Variants in COQ10A observed in about 807,000 individuals in gnomAD.
The protein encoded by COQ10A is coenzyme Q10A, also known as coenzyme Q-binding protein COQ10 homolog A, mitochondrial.
A neutral mutation model predicts 26.1 loss-of-function variants in COQ10A; 25 were observed. The observed-to-expected ratio is 0.96, with a 90% CI of 0.70 to 1.34. The LOEUF (loss-of-function observed/expected upper bound fraction) is 1.34. Ranked by LOEUF, COQ10A falls within the 40% of genes most tolerant of loss-of-function variation. The pLI is 0.00. For missense variants in COQ10A, 312 were observed against 335.4 expected (o/e 0.93, Z 0.54); for synonymous variants, 132 against 124.0 (o/e 1.06, Z -0.43).
chr12:56,270,079 T>C, intron 4 of COQ10A, 71 bp from the exon 5 acceptor site: 3 of 1,484,632 alleles, frequency 2.0e-6, no homozygotes, highest in Non-Finnish European at 2.8e-6. Flanking sequence ...TGAGGAACAG[T>C]TTCCTTGCAT....
At position 56,270,522 on chromosome 12, in the gene COQ10A, T is replaced by C; in HGVS notation, c.*205T>C. ...AAAGGATGTGGAAATGAGATGTGCT[T>C]AGGAAAGGGTCAGGCCCATCGTAGG... On this transcript the variant is annotated 3_prime_UTR_variant, in exon 5 of 5. Transcript: ENST00000308197. 1 of 588,388 alleles carries C rather than the reference T, an allele frequency of 1.7e-6. No individual in the cohort carries two copies. The highest frequency in any genetic ancestry group is 2.2e-5 in the South Asian group (1 of 46,448). 36.4% of individuals were successfully genotyped at this position (588,388 alleles called of 1,614,324 possible). A position where few individuals can be genotyped will look rare whatever the true frequency, so the allele number is the denominator to read the frequency against.
Position 56,266,996 on chromosome 12 carries a change from T to G in COQ10A, c.-123T>G, listed in dbSNP as rs377753035. ...GAGCAAGGCGAGAGGTGCTGCCGCC[T>G]CCCGTCGCCCCTGCGCTCAGAGGTC... On this transcript the variant is annotated 5_prime_UTR_variant, in exon 1 of 5. Coordinates refer to ENST00000308197, the MANE Select transcript of COQ10A (RefSeq NM_144576.4). The G allele has an allele frequency of 2.1e-5, 22 of 1,032,392 alleles. No homozygotes were observed. In the East Asian group the frequency reaches 2.3e-4, roughly 11 times the overall value. 64.0% of individuals were successfully genotyped at this position (1,032,392 alleles called of 1,614,324 possible). A position where few individuals can be genotyped will look rare whatever the true frequency, so the allele number is the denominator to read the frequency against.
In COQ10A at chr12:56,270,503, T is replaced by G. The variant is rs1366751154; in HGVS notation, c.*186T>G. On this transcript the variant is annotated 3_prime_UTR_variant, in exon 5 of 5. Coordinates refer to ENST00000308197, the MANE Select transcript of COQ10A (RefSeq NM_144576.4). ...GTTGGGGGAAAGAGAAGGCAAAGGA[T>G]GTGGAAATGAGATGTGCTTAGGAAA... 1 of 637,918 alleles carries G rather than the reference T, an allele frequency of 1.6e-6. No homozygotes were observed. Among genetic ancestry groups the G allele is most frequent in the African/African-American group, 1.8e-5 (1 of 54,402 alleles). 39.5% of individuals were successfully genotyped at this position (637,918 alleles called of 1,614,324 possible). A position where few individuals can be genotyped will look rare whatever the true frequency, so the allele number is the denominator to read the frequency against.
At position 56,269,238 on chromosome 12, in the gene COQ10A, C is replaced by G. The variant is rs764009329; in HGVS notation, c.461C>G (p.Pro154Arg). 1.2e-6 allele frequency: 2 copies of G among 1,614,110 alleles called. No homozygotes were observed. The highest frequency in any genetic ancestry group is 3.3e-5 in the Admixed American group (2 of 60,008). ...RYTSAVSMVK[P>R]HMVKAVCTDG... The stretch of plus-strand genomic sequence containing the variant: ...ACCTCTGCAGTTTCCATGGTCAAAC[C>G]TCACATGGTCAAGGTGAGGCCTGTA... The change falls in exon 3 of 5, where the codon CCT becomes CGT. Residue 154 changes from proline (P) to arginine (R), a missense_variant. By Grantham distance (103) the Pro-to-Arg change is moderately radical (BLOSUM62 -2). Coordinates refer to ENST00000308197, the MANE Select transcript of COQ10A (RefSeq NM_144576.4).
chr12:56,269,971 T>C (rs954482716), intron 4 of COQ10A, 179 bp from the exon 5 acceptor site: 5 of 646,042 alleles, frequency 7.7e-6, no homozygotes, highest in East Asian at 2.6e-5. Flanking sequence ...CCAAGTCAGT[T>C]AGTCTGAGCT....
At chr12:56,268,580 T>C (rs1872419177) in intron 2 of COQ10A, 1 of 160,854 alleles carries the variant, frequency 6.2e-6, no homozygotes, top group South Asian at 1.7e-4. Flanking sequence ...ACCTTTTTAG[T>C]ATATTTTGAG....
Position 56,267,131 on chromosome 12 carries a change from G to A in COQ10A, c.13G>A (p.Gly5Ser). 1 of 1,301,470 alleles carries A rather than the reference G, an allele frequency of 7.7e-7. No individual in the cohort carries two copies. Among genetic ancestry groups the A allele is most frequent in the Non-Finnish European group, 9.7e-7 (1 of 1,030,576 alleles). 80.6% of individuals were successfully genotyped at this position (1,301,470 alleles called of 1,614,324 possible). The change falls in exon 1 of 5, where the codon GGC becomes AGC. Residue 5 changes from glycine to serine, a missense_variant. By Grantham distance (56) the Gly-to-Ser change is moderately conservative. Coordinates refer to ENST00000308197, the MANE Select transcript of COQ10A (RefSeq NM_144576.4). The stretch of plus-strand genomic sequence containing the variant: ...CAGGGTCGCGCGCATGGCCTGGGCG[G>A]GCTCGCGGCGGGTCCCAGCTGGGAC... MAWAGSRRVPAGTRA... is the reference protein window; with the variant it reads MAWASSRRVPAGTRA...
chr12:56,267,641 G>A (rs2293510), intron 1 of COQ10A, 153 bp from the exon 2 acceptor site: 3 of 1,245,194 alleles, frequency 2.4e-6, no homozygotes, highest in Middle Eastern at 3.8e-4. Flanking sequence ...GTGACTCCCT[G>A]GCCAGAGAGA....
intron 1 of COQ10A, 32 bp from the exon 2 acceptor site, chr12:56,267,750 TTACGAAGAACTA>T: frequency 6.2e-7 from 1 of 1,613,048 alleles, no homozygotes; most frequent in Non-Finnish European, 8.5e-7. Context: ...TGATAGAGGA[TTACGAAGAACTA>T]TACGGTTGGC....
At chr12:56,267,718 C>T (rs749089089) in intron 1 of COQ10A, 76 bp from the exon 2 acceptor site, 1 of 1,594,876 alleles carries the variant, frequency 6.3e-7, no homozygotes, top group African/African-American at 1.3e-5. Context: ...GGGATGCACT[C>T]TTCTTCTCCT....
In COQ10A at chr12:56,270,440, C is replaced by G; in HGVS notation, c.*123C>G. 1 of 1,049,960 alleles carries G rather than the reference C, an allele frequency of 9.5e-7. No homozygotes were observed. Among genetic ancestry groups the G allele is most frequent in the African/African-American group, 1.6e-5 (1 of 62,082 alleles). 65.0% of individuals were successfully genotyped at this position (1,049,960 alleles called of 1,614,324 possible). On this transcript the variant is annotated 3_prime_UTR_variant, in exon 5 of 5. Transcript: ENST00000308197. ...GTGTTCATAATACTGTTTCTCCTCT[C>G]AATTTCCCAGAAATTGGGTTCTATG... is the stretch of plus-strand genomic sequence containing the variant.
At chr12:56,267,298 C>T (rs748336510) in intron 1 of COQ10A, 46 bp downstream of exon 1, 91 of 1,595,350 alleles carry the variant, frequency 5.7e-5, no homozygotes, top group Middle Eastern at 1.7e-4. Context: ...TCGCTGCGAA[C>T]CCCGGGGTTC....
rs1307628844 is a variant in COQ10A at position 56,267,063 on chromosome 12, G to C, written c.-56G>C. The C allele has an allele frequency of 4.8e-6, 6 of 1,247,896 alleles. No homozygotes were observed. The highest frequency in any genetic ancestry group is 6.0e-6 in the Non-Finnish European group (6 of 996,772). The allele number at this position is 1,247,896 out of a possible 1,614,324, so 77.3% of individuals were successfully genotyped here. ...GCTGCCTCTTGCCGCTCCGCCTTTG[G>C]AGTGAGGAGGGCGCAGCCCGCGTCA... On this transcript the variant is annotated 5_prime_UTR_variant, in exon 1 of 5. Transcript: ENST00000308197.
At chr12:56,267,559 C>A in intron 1 of COQ10A, 1 of 1,267,304 alleles carries the variant, frequency 7.9e-7, no homozygotes, top group Non-Finnish European at 1.1e-6. Context: ...GCGCTTCCCA[C>A]ACACCCCTTT....
intron 2 of COQ10A, 53 bp from the exon 3 acceptor site, chr12:56,269,006 G>A: frequency 6.5e-7 from 1 of 1,528,134 alleles, no homozygotes; most frequent in Non-Finnish European, 9.0e-7. Context: ...CTATAGCAAG[G>A]AGGAACCTGA....
intron 1 of COQ10A, 137 bp from the exon 2 acceptor site, chr12:56,267,657 G>C (rs1223930114): frequency 7.7e-7 from 1 of 1,295,814 alleles, no homozygotes; most frequent in Non-Finnish European, 1.1e-6. Flanking sequence ...AGAGAGCCTA[G>C]CGGGCTGCAG....
Position 56,267,103 on chromosome 12 carries a change from A to G in COQ10A, c.-16A>G. 2 of 1,283,568 alleles carry G rather than the reference A, an allele frequency of 1.6e-6. No individual in the cohort carries two copies. The highest frequency in any genetic ancestry group is 3.3e-5 in the East Asian group (1 of 30,762). 79.5% of individuals were successfully genotyped at this position (1,283,568 alleles called of 1,614,324 possible). On this transcript the variant is annotated 5_prime_UTR_variant, in exon 1 of 5. Coordinates refer to ENST00000308197, the MANE Select transcript of COQ10A (RefSeq NM_144576.4). ...AGCCCGCGTCAGAACTTAGAGGGCCAGGCAGGGTCGCGCGCATGGCCTGGG... is the reference window on the plus strand; with the variant it reads ...AGCCCGCGTCAGAACTTAGAGGGCCGGGCAGGGTCGCGCGCATGGCCTGGG...
At chr12:56,267,278 G>A in intron 1 of COQ10A, 26 bp downstream of exon 1, 1 of 1,584,128 alleles carries the variant, frequency 6.3e-7, no homozygotes, top group Non-Finnish European at 8.6e-7. Context: ...CCGCGGCTGA[G>A]GGCAGGGGGT....
chr12:56,267,550 C>A, intron 1 of COQ10A: 12 of 1,307,028 alleles, frequency 9.2e-6, no homozygotes, highest in Admixed American at 1.7e-5. Context: ...AGGCAACTGG[C>A]GCTTCCCACA....
Sources: allele counts gnomAD v4.1 joint callset, GRCh38; gene constraint gnomAD v4.1.1; transcripts MANE v1.5; gene names NCBI Gene and HGNC (gene_info 2026-07-23, HGNC 2026-07-21).